RNF220: variants seen among roughly 807,000 people sequenced by gnomAD.
The protein encoded by RNF220 is ring finger protein 220.
Under a neutral mutation model 67.1 loss-of-function variants are expected in RNF220, and 7 were observed. The observed-to-expected ratio is 0.10, with a 90% CI of 0.06 to 0.20. The LOEUF (loss-of-function observed/expected upper bound fraction) is 0.20, where lower values mean the gene tolerates loss of function less well. Ranked by LOEUF, RNF220 falls within the 10% of genes least tolerant of loss-of-function variation. RNF220 has a pLI of 1.00. For synonymous variants in RNF220, 270 were observed against 283.2 expected, an observed-to-expected ratio of 0.95 and a Z score of 0.47; for missense variants, 565 against 740.3, an observed-to-expected ratio of 0.76 and a Z score of 2.75.
At chr1:44,599,264 A>G (rs1026576317) in intron 2 of RNF220, among the ~76,000 whole-genome samples, 2 of 152,262 alleles carry the variant, frequency 1.3e-5, no homozygotes, top group East Asian at 3.8e-4. Flanking sequence ...TTGCAATATT[A>G]TATGATGTAT....
At chr1:44,644,880 C>T in intron 9 of RNF220, 86 bp downstream of exon 9, 4 of 1,516,334 alleles carry the variant, frequency 2.6e-6, no homozygotes, top group South Asian at 1.1e-5. Context: ...TATTCACCTG[C>T]ACCACCCCCC....
At chr1:44,598,905 C>G (rs539672483) in intron 2 of RNF220, among the ~76,000 whole-genome samples, 1 of 152,094 alleles carries the variant, frequency 6.6e-6, no homozygotes, top group Admixed American at 6.5e-5. Flanking sequence ...TTCGGCATTG[C>G]CTCAATTGCC....
Position 44,597,502 on chromosome 1 carries a change from ACACACACACG to A in RNF220, c.626-16662_626-16653del, listed in dbSNP as rs1180619957. Among the ~76,000 whole-genome samples the A allele has an allele frequency of 3.6e-3, 406 of 114,228 alleles. 3 individuals are homozygous for A. The highest frequency in any genetic ancestry group is 0.014 in the African/African-American group (387 of 28,654). The allele number at this position is 114,228 out of a possible 152,430, so 74.9% of individuals were successfully genotyped here. On this transcript the variant is annotated intron_variant, in intron 2 of 14. Transcript: ENST00000361799. ...CACACACACACACACACACACACAC[ACACACACACG>A]AACCTCCCTCACCTCCCTCTCTCAC...
intron 2 of RNF220, among the ~76,000 whole-genome samples, chr1:44,426,480 A>C (rs1311015456): frequency 6.6e-6 from 1 of 152,138 alleles, no homozygotes; most frequent in Non-Finnish European, 1.5e-5. Context: ...TAATCCCAGC[A>C]CTTTGGGAGG....
intron 2 of RNF220, among the ~76,000 whole-genome samples, chr1:44,508,152 A>G (rs1311463813): frequency 6.7e-6 from 1 of 148,848 alleles, no homozygotes; most frequent in Non-Finnish European, 1.5e-5. Context: ...AGGAGGAGGG[A>G]ATGACCTTTC....
At chr1:44,437,939 C>T (rs1439405712) in intron 2 of RNF220, among the ~76,000 whole-genome samples, 2 of 152,148 alleles carry the variant, frequency 1.3e-5, no homozygotes, top group Non-Finnish European at 2.9e-5. Flanking sequence ...TACCTGGCCT[C>T]ATGAGGGGTT....
intron 2 of RNF220, among the ~76,000 whole-genome samples, chr1:44,553,942 A>G (rs1662870899): frequency 6.6e-6 from 1 of 152,170 alleles, no homozygotes; most frequent in African/African-American, 2.4e-5. Context: ...TGTGACTTTC[A>G]GGAAAGGAAT....
At chr1:44,633,700 A>G (rs1348108952) in intron 6 of RNF220, among the ~76,000 whole-genome samples, 1 of 152,222 alleles carries the variant, frequency 6.6e-6, no homozygotes, top group African/African-American at 2.4e-5. Flanking sequence ...ACATTGTGGT[A>G]TCATCAGCAC....
intron 2 of RNF220, among the ~76,000 whole-genome samples, chr1:44,543,695 T>TA (rs919379516): frequency 4.7e-5 from 7 of 149,992 alleles, no homozygotes; most frequent in South Asian, 4.2e-4. Flanking sequence ...TTTTGGGCAT[T>TA]AAAAAAAAAT....
chr1:44,417,675 G>C lies in RNF220; in HGVS notation c.625+4953G>C, dbSNP rs1006943515. ...ATCAATTGTCATGCAGAAGTGATCC[G>C]GGCTGCCGTTTTCTCGCGGCCGCCC... On this transcript the variant is annotated intron_variant, in intron 2 of 14. Transcript: ENST00000361799. This position sits in a 1 kb window ranked among gnomAD's most constrained non-coding sequence, Gnocchi z 4.0. Among the ~76,000 whole-genome samples, 1 of 151,880 alleles carries C rather than the reference G, an allele frequency of 6.6e-6. No homozygotes were observed. The highest frequency in any genetic ancestry group is 1.5e-5 in the Non-Finnish European group (1 of 67,970).
At chr1:44,538,338 C>T (rs1053246530) in intron 2 of RNF220, among the ~76,000 whole-genome samples, 3 of 152,138 alleles carry the variant, frequency 2.0e-5, no homozygotes, top group Non-Finnish European at 2.9e-5. Context: ...AATCCCTGCC[C>T]CTTCTTGAAA....
intron 2 of RNF220, among the ~76,000 whole-genome samples, chr1:44,502,189 C>T (rs1038289363): frequency 2.4e-4 from 37 of 151,656 alleles, no homozygotes; most frequent in Admixed American, 2.0e-3. Context: ...ACACCATACA[C>T]GCTCACACAC....
intron 2 of RNF220, among the ~76,000 whole-genome samples, chr1:44,608,942 C>T (rs1377322801): frequency 6.6e-6 from 1 of 152,210 alleles, no homozygotes; most frequent in Admixed American, 6.5e-5. Context: ...AATGACTCCT[C>T]ACTTGTACAC....
At chr1:44,447,390 A>G (rs571476920) in intron 2 of RNF220, among the ~76,000 whole-genome samples, 1 of 152,172 alleles carries the variant, frequency 6.6e-6, no homozygotes, top group South Asian at 2.1e-4. Flanking sequence ...TACCCCCTAA[A>G]TATCTTTCAA....
chr1:44,626,441 G>C (rs542770470), intron 5 of RNF220, 43 bp downstream of exon 5: 4 of 1,499,882 alleles, frequency 2.7e-6, no homozygotes, highest in Admixed American at 1.7e-5. Context: ...AAGCTCACCT[G>C]GGGGAGGGCT....
At chr1:44,632,511 C>G (rs553850464) in intron 6 of RNF220, 126 bp downstream of exon 6, 2 of 941,944 alleles carry the variant, frequency 2.1e-6, no homozygotes, top group East Asian at 5.3e-5. Flanking sequence ...TTCGCAGTCA[C>G]GGCGCCTGAG....
intron 2 of RNF220, among the ~76,000 whole-genome samples, chr1:44,492,108 AG>A (rs1296311465): frequency 6.6e-6 from 1 of 152,242 alleles, no homozygotes; most frequent in African/African-American, 2.4e-5. Flanking sequence ...AAATGGGCAA[AG>A]AATCTGAATA....
chr1:44,641,730 C>T (rs1359141357), intron 8 of RNF220, among the ~76,000 whole-genome samples: 1 of 152,110 alleles, frequency 6.6e-6, no homozygotes, highest in African/African-American at 2.4e-5. Flanking sequence ...TGGGGCAGCA[C>T]AAGAGTGAAA....
At chr1:44,549,720 G>C (rs545085060) in intron 2 of RNF220, among the ~76,000 whole-genome samples, 1 of 152,178 alleles carries the variant, frequency 6.6e-6, no homozygotes, top group Admixed American at 6.6e-5. Flanking sequence ...CCTCCAGAGA[G>C]AGCATGTGTT....
Sources: gnomAD v4.1 joint callset for allele counts (sites outside exome capture counted in the v4.1 genomes callset) on GRCh38, gnomAD v4.1.1 for gene constraint, Gnocchi (gnomAD v3.1) non-coding constraint, MANE v1.5 for transcripts, NCBI Gene and HGNC (gene_info 2026-07-23, HGNC 2026-07-21) for gene names.